ZNF30: variants seen among roughly 807,000 people sequenced by gnomAD.
ZNF30 encodes the protein zinc finger protein 30.
Under a neutral mutation model 13.2 loss-of-function variants are expected in ZNF30, and 15 were observed. That is an observed-to-expected ratio of 1.13 (90% CI 0.76 to 1.75). The LOEUF (loss-of-function observed/expected upper bound fraction) is 1.75, where lower values mean the gene tolerates loss of function less well. ZNF30 is among the 40% of genes most tolerant of loss of function. The pLI is 0.00. For missense variants in ZNF30, 726 were observed against 757.0 expected (o/e 0.96, Z 0.48); for synonymous variants, 223 against 256.6 (o/e 0.87, Z 1.25).
chr19:34,943,094 T>A, intron 4 of ZNF30, 129 bp from the exon 5 acceptor site: 1 of 620,574 alleles, frequency 1.6e-6, no homozygotes, highest in Non-Finnish European at 2.5e-6. Context: ...TTTTTTTGAA[T>A]TTCATAATGG....
At chr19:34,941,499 A>C (rs2013047584) in intron 4 of ZNF30, among the ~76,000 whole-genome samples, 1 of 152,212 alleles carries the variant, frequency 6.6e-6, no homozygotes. Flanking sequence ...TCCTGACTTC[A>C]TGATCTGCCC....
At chr19:34,941,540 C>G (rs1294242703) in intron 4 of ZNF30, among the ~76,000 whole-genome samples, 1 of 152,156 alleles carries the variant, frequency 6.6e-6, no homozygotes, top group Non-Finnish European at 1.5e-5. Flanking sequence ...GGATTACAGG[C>G]GTGAGCCACT....
At chr19:34,943,094 T>G in intron 4 of ZNF30, 129 bp from the exon 5 acceptor site, 1 of 620,582 alleles carries the variant, frequency 1.6e-6, no homozygotes, top group Non-Finnish European at 2.5e-6. Flanking sequence ...TTTTTTTGAA[T>G]TTCATAATGG....
chr19:34,942,468 G>A (rs1023571266), intron 4 of ZNF30: 11 of 366,910 alleles, frequency 3.0e-5, no homozygotes, highest in African/African-American at 2.2e-4. Flanking sequence ...AAGAAAAAAA[G>A]AAAAAGAAAA....
At chr19:34,936,034 G>A (rs759328678) in intron 4 of ZNF30, among the ~76,000 whole-genome samples, 5 of 152,162 alleles carry the variant, frequency 3.3e-5, no homozygotes, top group African/African-American at 9.7e-5. Flanking sequence ...ATTCACTACC[G>A]TGAGAACAGT....
At chr19:34,936,426 T>G (rs2431456) in intron 4 of ZNF30, among the ~76,000 whole-genome samples, 65,441 of 152,040 alleles carry the variant, frequency 0.43, 15,636 homozygotes, top group African/African-American at 0.65. Context: ...AGCCGAATGG[T>G]GGTACGGTCA....
chr19:34,932,026 T>A (rs1201777630), intron 3 of ZNF30, 33 bp downstream of exon 3: 2 of 1,541,162 alleles, frequency 1.3e-6, no homozygotes, highest in Non-Finnish European at 1.7e-6. Context: ...ATTGAGAATC[T>A]GCTCCCTGTT....
At chr19:34,929,221 T>C (rs1270736094) in intron 1 of ZNF30, among the ~76,000 whole-genome samples, 1 of 152,142 alleles carries the variant, frequency 6.6e-6, no homozygotes, top group Non-Finnish European at 1.5e-5. Flanking sequence ...TGGCGTAGGT[T>C]GCCGTGAGCC....
Position 34,944,759 on chromosome 19 carries a change from G to A in ZNF30, c.1793G>A (p.Cys598Tyr). 7 of 1,613,128 alleles carry A rather than the reference G, an allele frequency of 4.3e-6. No individual in the cohort carries two copies. In the South Asian group the frequency reaches 7.7e-5, roughly 18 times the overall value. Reference sequence around the variant, plus strand: ...CACACTGGTGAGAAACCCTTTAAATGCAAAAAATGTGGGAAGACCTTTAGA... The same window carrying A: ...CACACTGGTGAGAAACCCTTTAAATACAAAAAATGTGGGAAGACCTTTAGA... ...RVHTGEKPFK[C>Y]KKCGKTFRYS... The change falls in exon 5 of 5, where the codon TGC (cysteine) becomes TAC (tyrosine). Residue 598 changes from cysteine (C) to tyrosine (Y), a missense_variant. By Grantham distance (194) the Cys-to-Tyr change is radical (BLOSUM62 -2). Coordinates refer to ENST00000601142, the MANE Select transcript of ZNF30 (RefSeq NM_194325.3).
Position 34,927,093 on chromosome 19 carries a change from G to A in ZNF30, c.-188G>A. 1 of 398,288 alleles carries A rather than the reference G, an allele frequency of 2.5e-6. No individual in the cohort carries two copies. The highest frequency in any genetic ancestry group is 4.4e-6 in the Non-Finnish European group (1 of 225,886). The allele number at this position is 398,288 out of a possible 1,614,324, so 24.7% of individuals were successfully genotyped here. On this transcript the variant is annotated 5_prime_UTR_variant, in exon 1 of 5. Coordinates refer to ENST00000601142, the MANE Select transcript of ZNF30 (RefSeq NM_194325.3). ...CAGCGAGCTTTGGAGTTCATCGAGG[G>A]AGAAGTCAGCGCCCAGCTCCGAGGT...
Position 34,944,500 on chromosome 19 carries a change from T to A in ZNF30, c.1534T>A (p.Tyr512Asn). Residue 512 changes from tyrosine to asparagine, a missense_variant, in exon 5 of 5, where the codon TAT (tyrosine) becomes AAT (asparagine). Physicochemically the swap from Tyr to Asn is moderately radical, Grantham distance 143. Transcript: ENST00000601142. The stretch of plus-strand genomic sequence containing the variant: ...CAGAATCCATACTGGTAAGAAGCCC[T>A]ATGAGTGTAAGGAGTGTGGCAAGGC... Reference protein sequence around the residue: ...HSRIHTGKKPYECKECGKAFS... With the variant: ...HSRIHTGKKPNECKECGKAFS... 1 of 1,613,960 alleles carries A rather than the reference T, an allele frequency of 6.2e-7. No individual in the cohort carries two copies. Among genetic ancestry groups the A allele is most frequent in the Non-Finnish European group, 8.5e-7 (1 of 1,179,976 alleles).
intron 4 of ZNF30, among the ~76,000 whole-genome samples, chr19:34,937,358 CA>C (rs2012797628): frequency 6.6e-6 from 1 of 151,852 alleles, no homozygotes; most frequent in Admixed American, 6.6e-5. Context: ...GAGGAGGCTG[CA>C]AAAGAGACTG....
Position 34,943,629 on chromosome 19 carries a change from ACATAAGAGTATT to A in ZNF30, c.668_679del (p.Lys223_His226del). 1 of 1,613,796 alleles carries A rather than the reference ACATAAGAGTATT, an allele frequency of 6.2e-7. No homozygotes were observed. Among genetic ancestry groups the A allele is most frequent in the African/African-American group, 1.3e-5 (1 of 75,056 alleles). On this transcript the variant is annotated inframe_deletion, in exon 5 of 5. Coordinates refer to ENST00000601142, the MANE Select transcript of ZNF30 (RefSeq NM_194325.3). ...TTAGTGGTAGCTATCAACTTACAGTACATAAGAGTATTCATACTGGGAAGAAACCATATGAGT... is the reference window on the plus strand; with the variant it reads ...TTAGTGGTAGCTATCAACTTACAGTACATACTGGGAAGAAACCATATGAGT...
upstream of ZNF30, among the ~76,000 whole-genome samples, chr19:34,924,091 C>T (rs1173967992): frequency 6.6e-6 from 1 of 152,050 alleles, no homozygotes; most frequent in African/African-American, 2.4e-5. Flanking sequence ...ATGAGACAGC[C>T]TCATCTGAAA....
chr19:34,942,688 A>G, intron 4 of ZNF30: 2 of 1,261,560 alleles, frequency 1.6e-6, no homozygotes, highest in Non-Finnish European at 2.1e-6. Context: ...GAAAATTTGT[A>G]AGAACGTCAA....
intron 4 of ZNF30, among the ~76,000 whole-genome samples, chr19:34,936,948 A>G (rs894614286): frequency 6.6e-6 from 1 of 152,144 alleles, no homozygotes; most frequent in Admixed American, 6.5e-5. Flanking sequence ...ATTTAAAGCC[A>G]TGGCACTGGC....
Position 34,945,079 on chromosome 19 carries a change from T to G in ZNF30, c.*241T>G. ...GTGGGAAACGTTATTACTTAATGGT[T>G]ACAGCACTGACAGCATGAACTTTTA... On this transcript the variant is annotated 3_prime_UTR_variant, in exon 5 of 5. Transcript: ENST00000601142. 2.3e-6 allele frequency: 1 copy of G among 426,722 alleles called. No individual in the cohort carries two copies. Among genetic ancestry groups the G allele is most frequent in the Non-Finnish European group, 4.1e-6 (1 of 243,360 alleles). The allele number at this position is 426,722 out of a possible 1,614,324, so 26.4% of individuals were successfully genotyped here.
chr19:34,933,385 G>A (rs536126461), intron 3 of ZNF30, among the ~76,000 whole-genome samples: 3 of 152,162 alleles, frequency 2.0e-5, no homozygotes, highest in Middle Eastern at 3.4e-3. Context: ...CCCGGGAAGC[G>A]GAGGTTGCAG....
intron 2 of ZNF30, among the ~76,000 whole-genome samples, chr19:34,930,862 C>CA (rs956406723): frequency 2.7e-5 from 4 of 149,228 alleles, no homozygotes; most frequent in Admixed American, 6.7e-5. Flanking sequence ...GACTGTGTCT[C>CA]AAAAAAAAAT....
Sources: gnomAD v4.1 joint callset for allele counts (sites outside exome capture counted in the v4.1 genomes callset) on GRCh38, gnomAD v4.1.1 for gene constraint, MANE v1.5 for transcripts, NCBI Gene and HGNC (gene_info 2026-07-23, HGNC 2026-07-21) for gene names.